Variants in NAA25 observed in about 807,000 individuals in gnomAD.
The protein encoded by NAA25 is N-alpha-acetyltransferase 25, NatB auxiliary subunit, also known as N-terminal acetyltransferase B complex subunit NAA25.
Under a neutral mutation model 132.5 loss-of-function variants are expected in NAA25, and 30 were observed. The ratio of observed to expected loss-of-function variants is 0.23; its 90% CI spans 0.17 to 0.31. NAA25 has a LOEUF of 0.31. Ranked by LOEUF, NAA25 falls within the 10% of genes least tolerant of loss-of-function variation. The probability of loss-of-function intolerance (pLI) is 1.00; values close to 1 mark genes in which losing one functional copy is unlikely to be tolerated. For synonymous variants in NAA25, 359 were observed against 401.9 expected (o/e 0.89, Z 1.28); for missense variants, 771 against 1,150.4 (o/e 0.67, Z 4.77).
At position 112,072,067 on chromosome 12, in the gene NAA25, G is replaced by C; in HGVS notation, c.867-3C>G. On this transcript the variant is annotated splice_polypyrimidine_tract_variant and splice_region_variant and intron_variant, in intron 9 of 23. Transcript: ENST00000261745. ...AATGTACTTCTCCTTCTAAAGAGCT[G>C]AGGAAAAGCACATGAAAAAGGAATT... 1 of 1,601,262 alleles carries C rather than the reference G, an allele frequency of 6.2e-7. No individual in the cohort carries two copies.
chr12:112,075,645 A>G (rs1199217832), intron 8 of NAA25, 33 bp downstream of exon 8: 1 of 1,558,428 alleles, frequency 6.4e-7, no homozygotes, highest in African/African-American at 1.4e-5. Flanking sequence ...GCCTCACTAC[A>G]GTCAAATGGT....
intron 1 of NAA25, among the ~76,000 whole-genome samples, chr12:112,102,521 T>C (rs1028090276): frequency 1.3e-5 from 2 of 152,188 alleles, no homozygotes; most frequent in African/African-American, 4.8e-5. Flanking sequence ...CAGGGTTTTT[T>C]GTTGTTGTTG....
At chr12:112,057,050 T>G (rs988656113) in intron 13 of NAA25, among the ~76,000 whole-genome samples, 1 of 151,976 alleles carries the variant, frequency 6.6e-6, no homozygotes, top group Non-Finnish European at 1.5e-5. Context: ...TAGCCAGGCG[T>G]GGTGGTGCGC....
chr12:112,047,669 C>T lies in NAA25; in HGVS notation c.2002G>A (p.Asp668Asn). The change falls in exon 17 of 24, where the codon GAC (aspartate) becomes AAC (asparagine). Residue 668 changes from aspartate to asparagine, a missense_variant. This residue lies in a region of NAA25 where 324 missense variants were observed against 400.0 expected (regional missense o/e 0.81). Coordinates refer to ENST00000261745, the MANE Select transcript of NAA25 (RefSeq NM_024953.4). ...LNVFFSWDPK[D>N]RDVSEEHKKL... Reference sequence around the variant, plus strand: ...TTGGGGTTAAATTCCAGTTACCTGTCTTTTGGATCCCAGCTGAAAAAAACA... The same window carrying T: ...TTGGGGTTAAATTCCAGTTACCTGTTTTTTGGATCCCAGCTGAAAAAAACA... 1 of 1,608,552 alleles carries T rather than the reference C, an allele frequency of 6.2e-7. No homozygotes were observed. Among genetic ancestry groups the T allele is most frequent in the Middle Eastern group, 1.7e-4 (1 of 6,034 alleles).
rs763783518 is a variant in NAA25, at chr12:112,078,274, A to G, written c.586-8T>C. ...CATATAATAAAGTTCAACCTTACAGAAAAAAAACAAGAAGTGCAACCTCTG... is the reference window on the plus strand; with the variant it reads ...CATATAATAAAGTTCAACCTTACAGGAAAAAAACAAGAAGTGCAACCTCTG... On this transcript the variant is annotated splice_polypyrimidine_tract_variant and splice_region_variant and intron_variant, in intron 6 of 23. Coordinates refer to ENST00000261745, the MANE Select transcript of NAA25 (RefSeq NM_024953.4). 9 of 1,588,628 alleles carry G rather than the reference A, an allele frequency of 5.7e-6. No individual in the cohort carries two copies. Among genetic ancestry groups the G allele is most frequent in the African/African-American group, 2.7e-5 (2 of 73,520 alleles).
chr12:112,081,969 G>T (rs1385632966), intron 4 of NAA25, among the ~76,000 whole-genome samples: 1 of 152,132 alleles, frequency 6.6e-6, no homozygotes, highest in Non-Finnish European at 1.5e-5. Context: ...AAATGTCCTG[G>T]GCCAGGCGCA....
At chr12:112,078,911 A>C (rs1220906637) in intron 5 of NAA25, among the ~76,000 whole-genome samples, 170 bp from the exon 6 acceptor site, 4 of 152,204 alleles carry the variant, frequency 2.6e-5, no homozygotes, top group African/African-American at 9.7e-5. Context: ...TTTACAAAAG[A>C]TTTCTTTGCT....
At chr12:112,038,563 G>A (rs2078257890) in intron 22 of NAA25, among the ~76,000 whole-genome samples, 1 of 152,106 alleles carries the variant, frequency 6.6e-6, no homozygotes, top group South Asian at 2.1e-4. Context: ...CAATTTTTCT[G>A]TAGGTGTATA....
intron 11 of NAA25, chr12:112,064,228 T>C (rs1287658811): frequency 6.6e-6 from 1 of 152,336 alleles, no homozygotes; most frequent in Non-Finnish European, 1.5e-5. Context: ...ATGTTTTTGT[T>C]GTTGTTGTTG....
Position 112,040,515 on chromosome 12 carries a change from G to A in NAA25, c.2504C>T (p.Pro835Leu), listed in dbSNP as rs1468563456. ...EVKDGNLKTH[P>L]TLLENLVFFV... ...GAAAACTAGATTTTCTAAAAGAGTA[G>A]GATGTGTTTTCAAGTTACCATCTTT... is the stretch of plus-strand genomic sequence containing the variant. The change falls in exon 21 of 24, where the codon CCT (proline) becomes CTT (leucine). Residue 835 changes from proline (P) to leucine (L), a missense_variant. Physicochemically the swap from Pro to Leu is moderately conservative, Grantham distance 98. Around this residue, in one of 3 missense-constraint regions of NAA25, gnomAD observed 324 missense variants for 400.0 expected, o/e 0.81. Coordinates refer to ENST00000261745, the MANE Select transcript of NAA25 (RefSeq NM_024953.4). 6.2e-7 allele frequency: 1 copy of A among 1,603,742 alleles called. No homozygotes were observed. Among genetic ancestry groups the A allele is most frequent in the African/African-American group, 1.3e-5 (1 of 74,618 alleles).
rs1008553161 is a variant in NAA25 at position 112,044,637 on chromosome 12, T to C, written c.2007-769A>G. On this transcript the variant is annotated intron_variant, in intron 17 of 23. Coordinates refer to ENST00000261745, the MANE Select transcript of NAA25 (RefSeq NM_024953.4). ...GTGAGCCAAGATTGCACCACTGCAC[T>C]CCAGCCTGGGCGACAGAGCAAGACT... Among the ~76,000 whole-genome samples, 27 of 151,812 alleles carry C rather than the reference T, an allele frequency of 1.8e-4. 1 individual carries two copies. The highest frequency in any genetic ancestry group is 6.3e-4 in the African/African-American group (26 of 41,314).
chr12:112,098,681 G>A (rs2079249110), intron 1 of NAA25, among the ~76,000 whole-genome samples: 1 of 152,194 alleles, frequency 6.6e-6, no homozygotes, highest in Non-Finnish European at 1.5e-5. Context: ...ATTTTCCAAA[G>A]CACGGGTGAG....
intron 17 of NAA25, among the ~76,000 whole-genome samples, chr12:112,045,009 C>T (rs1002964679): frequency 2.6e-5 from 4 of 151,818 alleles, no homozygotes; most frequent in Non-Finnish European, 5.9e-5. Flanking sequence ...GATATGGTCA[C>T]GCCACTGTAC....
Position 112,068,985 on chromosome 12 carries a change from T to C in NAA25, c.1044A>G (p.Pro348=). ...TAAAATACTGGAACATTAATTCTTCTGGATCACCTGGGGGACGGGGAACAA... is the reference window on the plus strand; with the variant it reads ...TAAAATACTGGAACATTAATTCTTCCGGATCACCTGGGGGACGGGGAACAA... ...GCNDEYKLGD[P]EELMFQYFKK... The change falls in exon 11 of 24, where the codon CCA becomes CCG. Residue 348 remains proline (P), a synonymous_variant. Transcript: ENST00000261745. 21 of 1,587,410 alleles carry C rather than the reference T, an allele frequency of 1.3e-5. No homozygotes were observed. Among genetic ancestry groups the C allele is most frequent in the Non-Finnish European group, 1.8e-5 (21 of 1,157,144 alleles).
intron 10 of NAA25, among the ~76,000 whole-genome samples, chr12:112,070,966 T>C (rs2078797067): frequency 6.6e-6 from 1 of 152,218 alleles, no homozygotes; most frequent in Admixed American, 6.5e-5. Context: ...AGGCTGGTCT[T>C]GAACACCTGA....
chr12:112,040,656 A>G (rs2078289671), intron 20 of NAA25, 78 bp from the exon 21 acceptor site: 1 of 750,320 alleles, frequency 1.3e-6, no homozygotes, highest in Non-Finnish European at 2.2e-6. Context: ...ACAAATAAAG[A>G]ATAAGCAAAT....
At chr12:112,029,773 C>A in intron 23 of NAA25, 120 bp from the exon 24 acceptor site, 2 of 1,362,338 alleles carry the variant, frequency 1.5e-6, no homozygotes, top group Non-Finnish European at 2.0e-6. Flanking sequence ...TCCATCAGAA[C>A]ACAGTGGGTC....
At chr12:112,036,763 G>A (rs1411108103) in intron 22 of NAA25, among the ~76,000 whole-genome samples, 3 of 151,326 alleles carry the variant, frequency 2.0e-5, no homozygotes, top group African/African-American at 7.3e-5. Flanking sequence ...GAGGAGAATC[G>A]CTTGAAACTG....
At position 112,093,226 on chromosome 12, in the gene NAA25, A is replaced by G. The variant is rs2079162379; in HGVS notation, c.59-90T>C. 6.1e-6 allele frequency: 5 copies of G among 818,132 alleles called. No individual in the cohort carries two copies. In the Admixed American group the frequency reaches 1.1e-4, roughly 17 times the overall value. 50.7% of individuals were successfully genotyped at this position (818,132 alleles called of 1,614,324 possible). On this transcript the variant is annotated intron_variant, in intron 1 of 23. Transcript: ENST00000261745. ...CAACTGGTATGAGATATTTTGGAAA[A>G]TATCTTAATTTGCTATATAAAACAT...
Sources: gnomAD v4.1 joint callset for allele counts (sites outside exome capture counted in the v4.1 genomes callset) on GRCh38, gnomAD v4.1.1 for gene constraint, gnomAD v4.1.1 regional missense constraint, MANE v1.5 for transcripts, NCBI Gene and HGNC (gene_info 2026-07-23, HGNC 2026-07-21) for gene names.